NHSL1: variants seen among roughly 807,000 people sequenced by gnomAD.
The protein encoded by NHSL1 is NHS like 1, also known as NHS-like protein 1.
A neutral mutation model predicts 95.0 loss-of-function variants in NHSL1; 48 were observed. The observed-to-expected ratio is 0.51, with a 90% CI of 0.40 to 0.64. The LOEUF is 0.64. NHSL1 is among the 30% of genes least tolerant of loss of function. NHSL1 has a pLI of 0.00. For synonymous variants in NHSL1, 783 were observed against 833.9 expected, an observed-to-expected ratio of 0.94 and a Z score of 1.05; for missense variants, 1,971 against 2,077.7, an observed-to-expected ratio of 0.95 and a Z score of 1.00.
chr6:138,582,658 C>T (rs1344581511), intron 1 of NHSL1, among the ~76,000 whole-genome samples: 1 of 152,182 alleles, frequency 6.6e-6, no homozygotes, highest in East Asian at 1.9e-4. Flanking sequence ...CTGTGGGTGT[C>T]TCCCCTGGGC....
chr6:138,598,626 A>AAT lies in NHSL1; in HGVS notation c.96+93849_96+93850insAT, dbSNP rs1784332169. On this transcript the variant is annotated intron_variant, in intron 1 of 3. Coordinates refer to the NHSL1 transcript ENST00000491526. ...ACAACAAAGCAAGACTTCATCTGGAAGAAAAAAAAAAAAAAAAAAAAGCAG... is the reference window on the plus strand; with the variant it reads ...ACAACAAAGCAAGACTTCATCTGGAAATGAAAAAAAAAAAAAAAAAAAAGCAG... Among the ~76,000 whole-genome samples the AAT allele has an allele frequency of 1.1e-4, 14 of 127,240 alleles. No homozygotes were observed. The East Asian group carries it at 3.6e-3, about 33-fold the overall frequency. 83.5% of individuals were successfully genotyped at this position (127,240 alleles called of 152,430 possible). A position where few individuals can be genotyped will look rare whatever the true frequency, so the allele number is the denominator to read the frequency against.
chr6:138,520,115 A>C (rs934904584), intron 1 of NHSL1, among the ~76,000 whole-genome samples: 3 of 152,258 alleles, frequency 2.0e-5, no homozygotes, highest in African/African-American at 7.2e-5. Context: ...CAATAATAAC[A>C]TAATAAGGCA....
upstream of NHSL1, among the ~76,000 whole-genome samples, chr6:138,576,299 C>G (rs1258647858): frequency 1.3e-5 from 2 of 152,232 alleles, no homozygotes; most frequent in East Asian, 3.9e-4. Context: ...GCCTGCAAAT[C>G]CTACTTTTAC....
At chr6:138,624,791 AGAG>A (rs1165510201) in intron 1 of NHSL1, among the ~76,000 whole-genome samples, 3 of 152,222 alleles carry the variant, frequency 2.0e-5, no homozygotes, top group African/African-American at 7.2e-5. Flanking sequence ...AAACTGCAGC[AGAG>A]GAGGTGTTTG....
intron 1 of NHSL1, among the ~76,000 whole-genome samples, chr6:138,689,765 C>T (rs371759916): frequency 5.3e-5 from 8 of 151,212 alleles, no homozygotes; most frequent in East Asian, 2.0e-4. Context: ...CATATCTAAA[C>T]TTTGCTCCCC....
At chr6:138,612,704 C>T (rs898970208) in intron 1 of NHSL1, among the ~76,000 whole-genome samples, 1 of 152,210 alleles carries the variant, frequency 6.6e-6, no homozygotes, top group African/African-American at 2.4e-5. Flanking sequence ...ACTGCCCTCT[C>T]AATCATCTTC....
intron 1 of NHSL1, among the ~76,000 whole-genome samples, chr6:138,582,604 C>T (rs2114494135): frequency 6.6e-6 from 1 of 152,264 alleles, no homozygotes; most frequent in Middle Eastern, 3.4e-3. Context: ...TCCGCCCAAC[C>T]CCAAGTCAGG....
intron 4 of NHSL1, among the ~76,000 whole-genome samples, chr6:138,445,850 CCTG>C (rs1352705496): frequency 6.6e-6 from 1 of 152,068 alleles, no homozygotes; most frequent in Admixed American, 6.6e-5. Context: ...CCTTAAGGGC[CCTG>C]CTTTGTATGA....
chr6:138,558,345 A>C (rs574319334), intron 1 of NHSL1, among the ~76,000 whole-genome samples: 1 of 150,374 alleles, frequency 6.7e-6, no homozygotes, highest in African/African-American at 2.5e-5. Flanking sequence ...GATGGTTTCG[A>C]TCTCCTGACC....
intron 1 of NHSL1, among the ~76,000 whole-genome samples, chr6:138,621,789 T>C (rs1477955067): frequency 2.6e-5 from 4 of 152,156 alleles, no homozygotes; most frequent in African/African-American, 7.2e-5. Flanking sequence ...GTCCCAGATA[T>C]ACCCAGTCTG....
In NHSL1 at chr6:138,687,761, T is replaced by C. The variant is rs150488699; in HGVS notation, c.96+4715A>G. On this transcript the variant is annotated intron_variant, in intron 1 of 3. Transcript: ENST00000491526. ...AGCCAGGCACATGATTCCATCTGTA[T>C]GAAATGTCCAGAAAAGTCAAATCTA... 7.7e-3 allele frequency among the ~76,000 whole-genome samples: 1,170 copies of C among 152,312 alleles called. 5 individuals are homozygous for C. The highest frequency in any genetic ancestry group is 0.02 in the Middle Eastern group (6 of 294).
At chr6:138,634,722 A>G (rs1203234174) in intron 1 of NHSL1, among the ~76,000 whole-genome samples, 2 of 152,154 alleles carry the variant, frequency 1.3e-5, no homozygotes, top group Non-Finnish European at 2.9e-5. Context: ...AGAACATTGC[A>G]TCCAATGGCT....
At chr6:138,499,783 G>A (rs777301580), upstream of NHSL1, among the ~76,000 whole-genome samples, 10 of 152,146 alleles carry the variant, frequency 6.6e-5, no homozygotes, top group Non-Finnish European at 1.2e-4. Flanking sequence ...GAGCTGCCAA[G>A]TCTGACAGCA....
At chr6:138,456,845 A>G (rs1562289444) in intron 3 of NHSL1, among the ~76,000 whole-genome samples, 1 of 152,030 alleles carries the variant, frequency 6.6e-6, no homozygotes, top group Non-Finnish European at 1.5e-5. Context: ...TTGATTTCAG[A>G]GTTGAATGAA....
chr6:138,524,017 T>G (rs963554046), intron 1 of NHSL1, among the ~76,000 whole-genome samples: 1 of 152,164 alleles, frequency 6.6e-6, no homozygotes, highest in African/African-American at 2.4e-5. Context: ...ATGCCCATTT[T>G]TGGAGTTGAG....
At chr6:138,459,872 A>G (rs886794327) in intron 3 of NHSL1, among the ~76,000 whole-genome samples, 2 of 152,180 alleles carry the variant, frequency 1.3e-5, no homozygotes, top group African/African-American at 4.8e-5. Flanking sequence ...ATTACCTAGT[A>G]TCAAGCATCC....
chr6:138,622,726 T>G (rs977473844), intron 1 of NHSL1, among the ~76,000 whole-genome samples: 1 of 152,210 alleles, frequency 6.6e-6, no homozygotes, highest in Non-Finnish European at 1.5e-5. Flanking sequence ...TCCTAGTCAG[T>G]GTAACCAATG....
intron 1 of NHSL1, among the ~76,000 whole-genome samples, chr6:138,542,965 T>C (rs1373440594): frequency 6.6e-6 from 1 of 152,154 alleles, no homozygotes; most frequent in Non-Finnish European, 1.5e-5. Context: ...GGTCTCCCTA[T>C]GTTAGCCAGG....
chr6:138,692,166 C>T lies in NHSL1; in HGVS notation c.96+310G>A. ...TTGGCTCTCCTCTGTCTACAGCGCC[C>T]CGGGGTCTCCCAAACAGACAGACAC... On this transcript the variant is annotated intron_variant, in intron 1 of 3. Coordinates refer to the NHSL1 transcript ENST00000491526. The surrounding 1 kb of genome is among the most constrained non-coding windows in gnomAD (Gnocchi z 4.0). 2.2e-6 allele frequency: 1 copy of T among 456,756 alleles called. No homozygotes were observed. The highest frequency in any genetic ancestry group is 4.4e-6 in the Non-Finnish European group (1 of 226,968). The allele number at this position is 456,756 out of a possible 1,614,324, so 28.3% of individuals were successfully genotyped here.
Sources: gnomAD v4.1 joint callset for allele counts (sites outside exome capture counted in the v4.1 genomes callset) on GRCh38, gnomAD v4.1.1 for gene constraint, Gnocchi (gnomAD v3.1) non-coding constraint, MANE v1.5 for transcripts, NCBI Gene and HGNC (gene_info 2026-07-23, HGNC 2026-07-21) for gene names.